Variants in CHD9 observed in about 807,000 individuals in gnomAD.
CHD9 encodes ATP-dependent chromatin remodeler CHD9.
A neutral mutation model predicts 316.1 loss-of-function variants in CHD9; 77 were observed. The ratio of observed to expected loss-of-function variants is 0.24; its 90% CI spans 0.20 to 0.29. The LOEUF (loss-of-function observed/expected upper bound fraction) is 0.29, where lower values mean the gene tolerates loss of function less well. Ranked by LOEUF, CHD9 falls within the 10% of genes least tolerant of loss-of-function variation. CHD9 has a pLI of 1.00. For missense variants in CHD9, 2,763 were observed against 3,438.1 expected (o/e 0.80, Z 4.91); for synonymous variants, 1,129 against 1,158.3 (o/e 0.97, Z 0.51).
chr16:53,307,986 T>A, intron 33 of CHD9, 33 bp downstream of exon 33: 2 of 1,543,418 alleles, frequency 1.3e-6, no homozygotes, highest in Non-Finnish European at 1.8e-6. Flanking sequence ...AGGGCCTGAT[T>A]GCGATTGCGG....
intron 2 of CHD9, among the ~76,000 whole-genome samples, chr16:53,167,585 TAAAG>T (rs1469068571): frequency 3.3e-5 from 5 of 152,056 alleles, no homozygotes; most frequent in Admixed American, 2.6e-4. Context: ...TCATTCTACT[TAAAG>T]AAGGTGTTCC....
rs1171102170 is a variant in CHD9 at position 53,267,429 on chromosome 16, C to T, written c.4456C>T (p.Arg1486Cys). The change falls in exon 21 of 39, where the codon CGT (arginine) becomes TGT (cysteine). Residue 1486 changes from arginine (R) to cysteine (C), a missense_variant. Arg to Cys is a radical substitution (Grantham distance 180). Around this residue, in one of 15 missense-constraint regions of CHD9, gnomAD observed 199 missense variants for 251.7 expected, o/e 0.79. Transcript: ENST00000447540. Reference protein sequence around the residue: ...EKPKLRRPCDRSNGYGRTECF... With the variant: ...EKPKLRRPCDCSNGYGRTECF... ...GCCCAAACTCCGGAGACCCTGTGAC[C>T]GTTCCAATGGCTATGGAAGAACTGA... 11 of 1,611,982 alleles carry T rather than the reference C, an allele frequency of 6.8e-6. No homozygotes were observed. Among genetic ancestry groups the T allele is most frequent in the African/African-American group, 2.7e-5 (2 of 74,802 alleles).
At chr16:53,189,877 G>A (rs2044341358) in intron 2 of CHD9, among the ~76,000 whole-genome samples, 4 of 152,254 alleles carry the variant, frequency 2.6e-5, no homozygotes, top group Admixed American at 6.5e-5. Flanking sequence ...GAAAGCTAAT[G>A]TTGACAGTAT....
Position 53,255,635 on chromosome 16 carries a change from G to T in CHD9, c.4065G>T (p.Leu1355=). Residue 1355 remains leucine (L), a synonymous_variant, in exon 19 of 39, where the codon CTG becomes CTT. Transcript: ENST00000447540. ...TTTCCAAAAAGGAAATAGAAGATCT[G>T]CTTCGAAGAGGTGCTTATGGTGCTA... ...QQLSKKEIED[L]LRRGAYGAIM... 2 of 1,613,684 alleles carry T rather than the reference G, an allele frequency of 1.2e-6. No individual in the cohort carries two copies. Among genetic ancestry groups the T allele is most frequent in the Non-Finnish European group, 8.5e-7 (1 of 1,179,718 alleles).
intron 2 of CHD9, among the ~76,000 whole-genome samples, chr16:53,185,713 C>T (rs935557550): frequency 6.6e-6 from 1 of 152,224 alleles, no homozygotes; most frequent in African/African-American, 2.4e-5. Flanking sequence ...CAGTGCCTCC[C>T]TGCTGTGTGC....
chr16:53,267,333 A>G lies in CHD9; in HGVS notation c.4360A>G (p.Thr1454Ala), dbSNP rs1466933760. The G allele has an allele frequency of 8.7e-6, 14 of 1,612,268 alleles. No homozygotes were observed. The highest frequency in any genetic ancestry group is 2.2e-5 in the East Asian group (1 of 44,810). The change falls in exon 21 of 39, where the codon ACA (threonine) becomes GCA (alanine). Residue 1454 changes from threonine (T) to alanine (A), a missense_variant. This residue lies in a region of CHD9 where 199 missense variants were observed against 251.7 expected (regional missense o/e 0.79). Transcript: ENST00000447540. The part of the protein sequence containing the change: ...VIDTPRIRKQ[T>A]RPFSATKDEL... ...TGACACTCCAAGAATTAGGAAGCAAACAAGACCTTTTAGTGCCACAAAAGA... is the reference window on the plus strand; with the variant it reads ...TGACACTCCAAGAATTAGGAAGCAAGCAAGACCTTTTAGTGCCACAAAAGA...
intron 12 of CHD9, among the ~76,000 whole-genome samples, chr16:53,239,892 T>G (rs2048946096): frequency 6.6e-6 from 1 of 152,188 alleles, no homozygotes; most frequent in South Asian, 2.1e-4. Context: ...GTGACTATTT[T>G]CAATTGAAGA....
chr16:53,158,586 TG>T (rs1181705069), intron 2 of CHD9, among the ~76,000 whole-genome samples: 3 of 152,222 alleles, frequency 2.0e-5, no homozygotes, highest in Non-Finnish European at 4.4e-5. Flanking sequence ...CATGTAAACA[TG>T]CTTAGACTAT....
At chr16:53,234,877 T>G (rs1393836907) in intron 10 of CHD9, among the ~76,000 whole-genome samples, 5 of 152,142 alleles carry the variant, frequency 3.3e-5, no homozygotes, top group Non-Finnish European at 7.4e-5. Context: ...TAAGTTCCAT[T>G]TGGTAAAATT....
chr16:53,149,326 GTCTA>G (rs1253124326), intron 1 of CHD9, among the ~76,000 whole-genome samples: 1 of 151,994 alleles, frequency 6.6e-6, no homozygotes. Flanking sequence ...TGTCTGGTTG[GTCTA>G]TCTATTATTG....
rs552651114 is a variant in CHD9 at position 53,118,217 on chromosome 16, G to A, written c.-164-37709G>A. Among the ~76,000 whole-genome samples, 50 of 152,164 alleles carry A rather than the reference G, an allele frequency of 3.3e-4. No homozygotes were observed. In the South Asian group the frequency reaches 1.0e-2, roughly 30 times the overall value. ...GGATTACTTGAGGCCAGGAGTTTGAGACCAGCATGGCCAACATGGCAAAAC... is the reference window on the plus strand; with the variant it reads ...GGATTACTTGAGGCCAGGAGTTTGAAACCAGCATGGCCAACATGGCAAAAC... On this transcript the variant is annotated intron_variant, in intron 1 of 38. Transcript: ENST00000447540.
In CHD9 at chr16:53,245,377, A is replaced by G. The variant is rs773332303; in HGVS notation, c.3096A>G (p.Thr1032=). 1.9e-6 allele frequency: 3 copies of G among 1,575,654 alleles called. No individual in the cohort carries two copies. Among genetic ancestry groups the G allele is most frequent in the Admixed American group, 1.9e-5 (1 of 52,102 alleles). ...TGACTGGCACCCCTCTCCAAAATACAGTTGAAGAACTATTTAGTCTTCTTC... is the reference window on the plus strand; with the variant it reads ...TGACTGGCACCCCTCTCCAAAATACGGTTGAAGAACTATTTAGTCTTCTTC... The part of the protein sequence containing the change: ...VLLTGTPLQN[T]VEELFSLLHF... The change falls in exon 14 of 39, where the codon ACA becomes ACG. Residue 1032 remains threonine, a synonymous_variant. Transcript: ENST00000447540. This position sits in a 1 kb window ranked among gnomAD's most constrained non-coding sequence, Gnocchi z 4.1.
At chr16:53,163,343 T>A (rs924853214) in intron 2 of CHD9, among the ~76,000 whole-genome samples, 16 of 152,160 alleles carry the variant, frequency 1.1e-4, no homozygotes, top group South Asian at 8.3e-4. Context: ...CCCAAATAGC[T>A]GGGATTACAG....
At chr16:53,262,869 C>T in intron 19 of CHD9, 118 bp from the exon 20 acceptor site, 2 of 789,714 alleles carry the variant, frequency 2.5e-6, no homozygotes, top group Non-Finnish European at 4.2e-6. Context: ...GAATTTGAAA[C>T]ACCCTTTGAT....
chr16:53,288,036 T>A lies in CHD9; in HGVS notation c.5247+22T>A, dbSNP rs753553699. 1.4e-5 allele frequency: 22 copies of A among 1,566,240 alleles called. No homozygotes were observed. In the Admixed American group the frequency reaches 3.7e-4, roughly 26 times the overall value. On this transcript the variant is annotated intron_variant, in intron 27 of 38. Transcript: ENST00000447540. Reference sequence around the variant, plus strand: ...AGAGGTATGCATTGGATCATATTTTTAAATCCTCAATTTTAGGTATTCTTT... The same window carrying A: ...AGAGGTATGCATTGGATCATATTTTAAAATCCTCAATTTTAGGTATTCTTT...
intron 20 of CHD9, among the ~76,000 whole-genome samples, chr16:53,263,451 A>G (rs2051338607): frequency 6.6e-6 from 1 of 152,164 alleles, no homozygotes; most frequent in South Asian, 2.1e-4. Flanking sequence ...AGTAAAATGT[A>G]AATAAGAGGA....
At chr16:53,221,667 A>G (rs2047245811) in intron 3 of CHD9, among the ~76,000 whole-genome samples, 1 of 152,210 alleles carries the variant, frequency 6.6e-6, no homozygotes, top group Non-Finnish European at 1.5e-5. Context: ...ATATATAAAC[A>G]TACATATATG....
chr16:53,304,367 C>A lies in CHD9; in HGVS notation c.6361C>A (p.Pro2121Thr). 6.2e-7 allele frequency: 1 copy of A among 1,613,422 alleles called. No individual in the cohort carries two copies. The highest frequency in any genetic ancestry group is 2.2e-5 in the East Asian group (1 of 44,854). Residue 2121 changes from proline to threonine, a missense_variant, in exon 31 of 39, where the codon CCA becomes ACA. Pro to Thr is a conservative substitution (Grantham distance 38). Around this residue, in one of 15 missense-constraint regions of CHD9, gnomAD observed 663 missense variants for 751.2 expected, o/e 0.88. Coordinates refer to ENST00000447540, the MANE Select transcript of CHD9 (RefSeq NM_001308319.2). ...AACTCCAAACCCAGCTTCTAAGAAA[C>A]CAAGAGTCCACAAAAGGGGATCAGA... is the stretch of plus-strand genomic sequence containing the variant. ...PLTPNPASKK[P>T]RVHKRGSESS... is the part of the protein sequence containing the mutation.
chr16:53,313,871 T>C (rs756419796), intron 34 of CHD9, among the ~76,000 whole-genome samples: 20 of 150,794 alleles, frequency 1.3e-4, no homozygotes, highest in Non-Finnish European at 8.8e-5. Context: ...GAGAATAGCA[T>C]GAACCCAGGG....
Sources: gnomAD v4.1 joint callset for allele counts (sites outside exome capture counted in the v4.1 genomes callset) on GRCh38, gnomAD v4.1.1 for gene constraint, gnomAD v4.1.1 regional missense constraint, Gnocchi (gnomAD v3.1) non-coding constraint, MANE v1.5 for transcripts, NCBI Gene and HGNC (gene_info 2026-07-23, HGNC 2026-07-21) for gene names.